The following URGCP variants were observed in gnomAD, a reference collection of about 807,000 sequenced individuals.
URGCP encodes upregulator of cell proliferation.
In URGCP, 13 loss-of-function variants were observed where a neutral mutation model predicts 24.6. That is an observed-to-expected ratio of 0.53 (90% CI 0.34 to 0.84). URGCP has a LOEUF of 0.84. Among genes scored for constraint, URGCP ranks in the 40% least tolerant of loss-of-function variants. The pLI is 0.01. For synonymous variants in URGCP, 444 were observed against 487.2 expected (o/e 0.91, Z 1.17); for missense variants, 899 against 1,194.3 (o/e 0.75, Z 3.64).
At chr7:43,923,834 T>A (rs796378977) in intron 1 of URGCP, among the ~76,000 whole-genome samples, 136 of 152,310 alleles carry the variant, frequency 8.9e-4, no homozygotes, top group African/African-American at 3.1e-3. Context: ...TAAACTTTCA[T>A]GTAGTCAAAT....
chr7:43,912,569 C>A (rs1159392773), intron 1 of URGCP, among the ~76,000 whole-genome samples: 1 of 150,376 alleles, frequency 6.6e-6, no homozygotes, highest in Admixed American at 6.7e-5. Context: ...CTTCAGATTC[C>A]ATATGAACTT....
chr7:43,906,020 G>A (rs1383826609), intron 1 of URGCP: 1 of 152,228 alleles, frequency 6.6e-6, no homozygotes, highest in African/African-American at 2.4e-5. Context: ...AGATCCCGGA[G>A]CGGCTCTCCG....
intron 1 of URGCP, among the ~76,000 whole-genome samples, chr7:43,915,503 G>T (rs2095914527): frequency 6.6e-6 from 1 of 152,128 alleles, no homozygotes; most frequent in Non-Finnish European, 1.5e-5. Flanking sequence ...AATATTGGGG[G>T]TATTCCACCC....
chr7:43,906,538 C>A (rs1384236903), intron 1 of URGCP, 24 bp downstream of exon 1: 1 of 1,225,202 alleles, frequency 8.2e-7, no homozygotes, highest in Non-Finnish European at 1.0e-6. Context: ...CGCGGGGGCG[C>A]AGGGCCTGCG....
chr7:43,926,594 G>C, upstream of URGCP: 1 of 1,547,374 alleles, frequency 6.5e-7, no homozygotes, highest in Non-Finnish European at 8.7e-7. Context: ...TTGGGTGTCC[G>C]AAGCGTCGAG....
In URGCP at chr7:43,877,828, G is replaced by A. The variant is rs774504564; in HGVS notation, c.1635C>T (p.Ser545=). Residue 545 remains serine (S), a synonymous_variant, in exon 6 of 6, where the codon TCC becomes TCT. Coordinates refer to ENST00000453200, the MANE Select transcript of URGCP (RefSeq NM_001077663.3). ...CCGAGATGAACTCCTGCACCCCCGA[G>A]GAGGGATCATGGCCGTTCTGCTGCA... is the stretch of plus-strand genomic sequence containing the variant. The part of the protein sequence containing the change: ...LRMQQNGHDP[S]SGVQEFISGI... 84 of 1,609,534 alleles carry A rather than the reference G, an allele frequency of 5.2e-5. No homozygotes were observed. The highest frequency in any genetic ancestry group is 3.5e-4 in the Admixed American group (21 of 59,716).
At chr7:43,925,306 T>C (rs1319520079) in intron 1 of URGCP, among the ~76,000 whole-genome samples, 1 of 152,174 alleles carries the variant, frequency 6.6e-6, no homozygotes, top group African/African-American at 2.4e-5. Context: ...GGTGACCATG[T>C]GTCTTGGCTG....
upstream of URGCP, among the ~76,000 whole-genome samples, chr7:43,907,949 G>A (rs1395300397): frequency 2.0e-5 from 3 of 152,180 alleles, no homozygotes; most frequent in East Asian, 1.9e-4. Flanking sequence ...AAAGCCACGC[G>A]AACTTGTGAC....
At position 43,879,725 on chromosome 7, in the gene URGCP, G is replaced by C. The variant is rs140400656; in HGVS notation, c.203-465C>G. ...GAGTCACCGGGAAGTTCCCACAGGA[G>C]TCATAATCACTGAATCACTCTCTGG... On this transcript the variant is annotated intron_variant, in intron 5 of 5. Transcript: ENST00000453200. 1,123 of 155,772 alleles carry C rather than the reference G, an allele frequency of 7.2e-3. 11 individuals are homozygous for C. The highest frequency in any genetic ancestry group is 0.025 in the African/African-American group (1,033 of 41,606). The allele number at this position is 155,772 out of a possible 1,614,324, so 9.6% of individuals were successfully genotyped here.
upstream of URGCP, among the ~76,000 whole-genome samples, chr7:43,907,800 G>A (rs1011676652): frequency 3.3e-5 from 5 of 152,184 alleles, no homozygotes; most frequent in Admixed American, 6.5e-5. Flanking sequence ...TAAACATTGC[G>A]TGATGCATGG....
At chr7:43,885,518 A>G (rs2095860834) in intron 3 of URGCP, among the ~76,000 whole-genome samples, 1 of 152,168 alleles carries the variant, frequency 6.6e-6, no homozygotes, top group Non-Finnish European at 1.5e-5. Context: ...AAGAACAACT[A>G]TAAAGAATAA....
At chr7:43,911,288 C>A (rs1405818666), upstream of URGCP, among the ~76,000 whole-genome samples, 2 of 152,006 alleles carry the variant, frequency 1.3e-5, no homozygotes, top group Non-Finnish European at 2.9e-5. Flanking sequence ...ATAATCCCAG[C>A]TACTCGGGAA....
At chr7:43,914,879 T>G (rs1205405930) in intron 1 of URGCP, among the ~76,000 whole-genome samples, 2 of 152,246 alleles carry the variant, frequency 1.3e-5, no homozygotes, top group Non-Finnish European at 2.9e-5. Flanking sequence ...CAGGTCATGG[T>G]GCACAGGGTA....
At chr7:43,919,970 A>G in intron 1 of URGCP, 1 of 1,347,588 alleles carries the variant, frequency 7.4e-7, no homozygotes, top group Non-Finnish European at 1.1e-6. Context: ...TGGACACAAC[A>G]CATCTAGGGA....
At position 43,900,469 on chromosome 7, in the gene URGCP, CAAAAAAA is replaced by C. The variant is rs759728715; in HGVS notation, c.14+6086_14+6092del. ...GACCCTGCCTCAAAAAAAACCAAAA[CAAAAAAA>C]AAAAAAAAAAGAAAAAGAAAAAAAG... On this transcript the variant is annotated intron_variant, in intron 1 of 5. Coordinates refer to ENST00000453200, the MANE Select transcript of URGCP (RefSeq NM_001077663.3). 1.9e-4 allele frequency among the ~76,000 whole-genome samples: 22 copies of C among 114,494 alleles called. No homozygotes were observed. In the South Asian group the frequency reaches 5.1e-3, roughly 27 times the overall value. 75.1% of individuals were successfully genotyped at this position (114,494 alleles called of 152,430 possible). A position where few individuals can be genotyped will look rare whatever the true frequency, so the allele number is the denominator to read the frequency against.
At chr7:43,926,329 T>A (rs541377384) in exon 1 of URGCP, 157 of 241,566 alleles carry the variant, frequency 6.5e-4, no homozygotes, top group African/African-American at 2.8e-3. Flanking sequence ...CAGGTGCGGG[T>A]GGCCAGCGTA....
At chr7:43,920,102 A>G (rs1378630842) in intron 1 of URGCP, 1 of 1,067,106 alleles carries the variant, frequency 9.4e-7, no homozygotes, top group African/African-American at 1.6e-5. Context: ...CTGGTTGACC[A>G]AGGCCCTGCC....
intron 1 of URGCP, among the ~76,000 whole-genome samples, chr7:43,895,661 T>C (rs2095877223): frequency 6.6e-6 from 1 of 152,222 alleles, no homozygotes; most frequent in South Asian, 2.1e-4. Context: ...GATGACACGG[T>C]GAGACTCTGT....
upstream of URGCP, chr7:43,926,486 T>TCAGGCAGCCCCGGC: frequency 6.9e-7 from 1 of 1,458,556 alleles, no homozygotes; most frequent in Non-Finnish European, 9.1e-7. Context: ...GCGGGCCGCC[T>TCAGGCAGCCCCGGC]CAGGCAGCCC....
Sources: allele counts gnomAD v4.1 joint callset (sites outside exome capture counted in the v4.1 genomes callset), GRCh38; gene constraint gnomAD v4.1.1; transcripts MANE v1.5; gene names NCBI Gene and HGNC (gene_info 2026-07-23, HGNC 2026-07-21).